CNTNAP5: variants seen among roughly 807,000 people sequenced by gnomAD.
The protein encoded by CNTNAP5 is contactin associated protein family member 5.
A neutral mutation model predicts 150.2 loss-of-function variants in CNTNAP5; 72 were observed. The ratio of observed to expected loss-of-function variants is 0.48; its 90% CI spans 0.40 to 0.58. The LOEUF is 0.58. Among genes scored for constraint, CNTNAP5 ranks in the 20% least tolerant of loss-of-function variants. The pLI, the probability that CNTNAP5 is intolerant of heterozygous loss-of-function variation, is 0.00. For missense variants in CNTNAP5, 1,636 were observed against 1,626.2 expected (o/e 1.01, Z -0.10); for synonymous variants, 672 against 619.8 (o/e 1.08, Z -1.25).
chr2:124,322,562 C>A lies in CNTNAP5; in HGVS notation c.381+80169C>A, dbSNP rs143055883. On this transcript the variant is annotated intron_variant, in intron 3 of 23. Coordinates refer to ENST00000682447, the MANE Select transcript of CNTNAP5 (RefSeq NM_001367498.1). ...TGGTATTTGAGAATCTATATTGCAG[C>A]AAAATGAATAATGAAAATCATGATA... 1.6e-3 allele frequency among the ~76,000 whole-genome samples: 241 copies of A among 152,248 alleles called. 1 individual carries two copies. Among genetic ancestry groups the A allele is most frequent in the African/African-American group, 5.5e-3 (229 of 41,540 alleles).
At chr2:124,039,914 C>G (rs1252642372) in intron 1 of CNTNAP5, among the ~76,000 whole-genome samples, 1 of 151,724 alleles carries the variant, frequency 6.6e-6, no homozygotes, top group Non-Finnish European at 1.5e-5. Flanking sequence ...GGTTAGTGCA[C>G]CTGGTGGAAT....
intron 19 of CNTNAP5, among the ~76,000 whole-genome samples, chr2:124,832,837 T>C (rs1682744210): frequency 6.6e-6 from 1 of 152,048 alleles, no homozygotes; most frequent in Admixed American, 6.6e-5. Flanking sequence ...TAAAAGACTC[T>C]GCAGGTTAAC....
chr2:124,051,278 G>A (rs145837503), intron 1 of CNTNAP5, among the ~76,000 whole-genome samples: 169 of 152,286 alleles, frequency 1.1e-3, no homozygotes, highest in African/African-American at 4.0e-3. Flanking sequence ...TCTAAGGTTT[G>A]CTTGTTTTTA....
intron 11 of CNTNAP5, among the ~76,000 whole-genome samples, chr2:124,599,976 G>A (rs7558247): frequency 0.93 from 140,934 of 152,006 alleles, 66,294 homozygotes; most frequent in East Asian, 1. Flanking sequence ...TTTTGCATGT[G>A]ATTTTCTCAG....
At chr2:124,846,285 T>C (rs561579038) in intron 19 of CNTNAP5, among the ~76,000 whole-genome samples, 2 of 152,020 alleles carry the variant, frequency 1.3e-5, no homozygotes, top group Non-Finnish European at 2.9e-5. Flanking sequence ...TTAAAAAAAA[T>C]TTTTTTGTCT....
intron 3 of CNTNAP5, among the ~76,000 whole-genome samples, chr2:124,331,886 A>G (rs929852139): frequency 3.9e-5 from 6 of 152,048 alleles, no homozygotes; most frequent in Admixed American, 1.3e-4. Context: ...TCTTTTATCA[A>G]TATTACATGA....
intron 13 of CNTNAP5, among the ~76,000 whole-genome samples, chr2:124,687,170 C>T (rs1451426932): frequency 1.3e-5 from 2 of 151,994 alleles, no homozygotes; most frequent in African/African-American, 2.4e-5. Context: ...CACTAATTCT[C>T]TCCATGCCAG....
intron 21 of CNTNAP5, among the ~76,000 whole-genome samples, chr2:124,883,611 T>A (rs1678013982): frequency 6.6e-6 from 1 of 152,130 alleles, no homozygotes; most frequent in East Asian, 1.9e-4. Flanking sequence ...TGTATATGTA[T>A]GTCCATGTGT....
intron 2 of CNTNAP5, among the ~76,000 whole-genome samples, chr2:124,236,669 T>A (rs925590171): frequency 1.3e-5 from 2 of 152,198 alleles, no homozygotes; most frequent in African/African-American, 4.8e-5. Flanking sequence ...TAATTAAAGA[T>A]GTGGCTAGTG....
At chr2:124,333,467 T>G (rs1689398162) in intron 3 of CNTNAP5, among the ~76,000 whole-genome samples, 1 of 152,142 alleles carries the variant, frequency 6.6e-6, no homozygotes, top group South Asian at 2.1e-4. Context: ...CATAAGTTTT[T>G]CCAAGAAGGT....
chr2:124,071,806 C>T (rs1682310677), intron 1 of CNTNAP5, among the ~76,000 whole-genome samples: 1 of 151,844 alleles, frequency 6.6e-6, no homozygotes, highest in South Asian at 2.1e-4. Flanking sequence ...GAACTGATAC[C>T]AAATCCTACT....
chr2:124,381,097 G>C (rs1690783676), intron 3 of CNTNAP5, among the ~76,000 whole-genome samples: 1 of 152,082 alleles, frequency 6.6e-6, no homozygotes, highest in Admixed American at 6.6e-5. Flanking sequence ...AAGAAGTGCA[G>C]GGAACTTGAC....
chr2:124,428,860 A>T (rs1692302238), intron 4 of CNTNAP5, among the ~76,000 whole-genome samples: 2 of 150,770 alleles, frequency 1.3e-5, no homozygotes. Flanking sequence ...AATATGGGAG[A>T]TATATTCAGT....
intron 10 of CNTNAP5, among the ~76,000 whole-genome samples, chr2:124,547,046 G>A (rs540915871): frequency 6.6e-6 from 1 of 152,206 alleles, no homozygotes; most frequent in African/African-American, 2.4e-5. Flanking sequence ...GAATCTCTCT[G>A]TCTTTCCCCT....
chr2:124,678,817 T>C (rs1679000619), intron 13 of CNTNAP5, among the ~76,000 whole-genome samples: 1 of 151,950 alleles, frequency 6.6e-6, no homozygotes, highest in East Asian at 1.9e-4. Context: ...GCTTAACTGT[T>C]GCTTCTGCTT....
chr2:124,901,362 A>G (rs1484931273), intron 21 of CNTNAP5, among the ~76,000 whole-genome samples: 1 of 148,352 alleles, frequency 6.7e-6, no homozygotes, highest in Non-Finnish European at 1.5e-5. Flanking sequence ...CTGTATTATC[A>G]GGATGAATTC....
intron 3 of CNTNAP5, among the ~76,000 whole-genome samples, chr2:124,347,437 T>C (rs1223220049): frequency 4.6e-5 from 7 of 152,130 alleles, no homozygotes. Flanking sequence ...CCAGGAAACC[T>C]CTTTCCCCTC....
chr2:124,070,153 C>T (rs887574577), intron 1 of CNTNAP5, among the ~76,000 whole-genome samples: 2 of 151,758 alleles, frequency 1.3e-5, no homozygotes, highest in Non-Finnish European at 2.9e-5. Context: ...TTGTAAGTCT[C>T]ATGATAATCT....
chr2:124,191,669 A>G (rs948488326), intron 1 of CNTNAP5, among the ~76,000 whole-genome samples: 8 of 152,064 alleles, frequency 5.3e-5, no homozygotes, highest in African/African-American at 1.7e-4. Flanking sequence ...TAATCCCAGT[A>G]CTTTGGGAGG....
Sources: gnomAD v4.1 joint callset for allele counts (sites outside exome capture counted in the v4.1 genomes callset) on GRCh38, gnomAD v4.1.1 for gene constraint, MANE v1.5 for transcripts, NCBI Gene and HGNC (gene_info 2026-07-23, HGNC 2026-07-21) for gene names.